The following CLDN14 variants were observed in gnomAD, a reference collection of about 807,000 sequenced individuals.
CLDN14 encodes the protein claudin-14.
CLDN14 carries 2 observed loss-of-function variants against 2.1 expected under a neutral mutation model. The observed-to-expected ratio is 0.96, with a 90% CI of 0.39 to 3.01. The LOEUF is 3.01. CLDN14 is among the 30% of genes most tolerant of loss of function. The pLI is 0.09. For missense variants in CLDN14, 298 were observed against 328.0 expected (o/e 0.91, Z 0.71); for synonymous variants, 136 against 154.4 (o/e 0.88, Z 0.88).
At chr21:36,463,446 T>C (rs2086605497) in intron 1 of CLDN14, among the ~76,000 whole-genome samples, 1 of 152,242 alleles carries the variant, frequency 6.6e-6, no homozygotes. Flanking sequence ...GCTCGGCGGC[T>C]CACGCCTGTA....
intron 1 of CLDN14, among the ~76,000 whole-genome samples, chr21:36,525,190 C>T (rs1042563242): frequency 2.6e-5 from 4 of 152,066 alleles, no homozygotes; most frequent in African/African-American, 9.7e-5. Flanking sequence ...AAGGATAAGA[C>T]GGACACCCTG....
At chr21:36,529,076 C>T (rs1301282452) in intron 1 of CLDN14, among the ~76,000 whole-genome samples, 1 of 152,198 alleles carries the variant, frequency 6.6e-6, no homozygotes, top group African/African-American at 2.4e-5. Context: ...TTCTTCCTCA[C>T]TAGAATTACA....
At chr21:36,556,735 C>G (rs147952243) in intron 1 of CLDN14, among the ~76,000 whole-genome samples, 2 of 152,302 alleles carry the variant, frequency 1.3e-5, no homozygotes, top group African/African-American at 4.8e-5. Context: ...ATTGCATTTC[C>G]TGTTGTTTGT....
At chr21:36,507,830 A>G (rs2087147439) in intron 2 of CLDN14, among the ~76,000 whole-genome samples, 1 of 152,226 alleles carries the variant, frequency 6.6e-6, no homozygotes, top group African/African-American at 2.4e-5. Flanking sequence ...CTTGGGAACC[A>G]GTAGCACTGT....
At chr21:36,574,457 G>A (rs767620993) in intron 1 of CLDN14, among the ~76,000 whole-genome samples, 1 of 152,132 alleles carries the variant, frequency 6.6e-6, no homozygotes, top group Non-Finnish European at 1.5e-5. Context: ...GCCAAACTCC[G>A]AAGAAGGCAT....
At chr21:36,490,244 C>T (rs1217365286) in intron 2 of CLDN14, among the ~76,000 whole-genome samples, 1 of 152,124 alleles carries the variant, frequency 6.6e-6, no homozygotes, top group Non-Finnish European at 1.5e-5. Context: ...TGCCCTGTTG[C>T]CCAAGCTGGA....
In CLDN14 at chr21:36,541,565, G is replaced by A. The variant is rs576730121; in HGVS notation, c.-219-31065C>T. Among the ~76,000 whole-genome samples, 9 of 152,168 alleles carry A rather than the reference G, an allele frequency of 5.9e-5. No individual in the cohort carries two copies. In the South Asian group the frequency reaches 1.5e-3, roughly 25 times the overall value. On this transcript the variant is annotated intron_variant, in intron 1 of 2. Coordinates refer to the CLDN14 transcript ENST00000342108. ...GGCTTACTCAGAGAAATAAAATTTC[G>A]CCCTTATTTTCAACTTCGAAAGCAT... is the stretch of plus-strand genomic sequence containing the variant.
chr21:36,569,943 GT>G (rs1326173559), intron 1 of CLDN14, among the ~76,000 whole-genome samples: 1 of 152,208 alleles, frequency 6.6e-6, no homozygotes, highest in Non-Finnish European at 1.5e-5. Flanking sequence ...ATTTTGTCAA[GT>G]TTAAGGACAC....
intron 1 of CLDN14, among the ~76,000 whole-genome samples, chr21:36,517,703 G>C (rs1568866710): frequency 1.3e-5 from 2 of 152,214 alleles, no homozygotes; most frequent in Non-Finnish European, 2.9e-5. Context: ...GGGATCCAGA[G>C]AATTGCTGTG....
chr21:36,533,487 GC>G (rs2087398152), intron 1 of CLDN14, among the ~76,000 whole-genome samples: 1 of 152,150 alleles, frequency 6.6e-6, no homozygotes, highest in South Asian at 2.1e-4. Context: ...AGTGGGGCGC[GC>G]CCATTCTCTG....
chr21:36,485,847 C>G (rs2086889507), intron 2 of CLDN14: 2 of 515,794 alleles, frequency 3.9e-6, no homozygotes, highest in South Asian at 5.5e-5. Flanking sequence ...TGAGAGGTTC[C>G]ATTTCCTTTT....
intron 1 of CLDN14, among the ~76,000 whole-genome samples, chr21:36,553,914 T>G (rs2087580118): frequency 6.6e-6 from 1 of 152,184 alleles, no homozygotes; most frequent in African/African-American, 2.4e-5. Flanking sequence ...CTGAGAATGT[T>G]GATGTCATCG....
chr21:36,479,090 A>C (rs184065708), intron 1 of CLDN14, among the ~76,000 whole-genome samples: 23 of 152,264 alleles, frequency 1.5e-4, no homozygotes, highest in Admixed American at 3.9e-4. Context: ...CCCTCTTTGC[A>C]GAAAAACGAG....
chr21:36,538,327 A>G (rs9305592), intron 1 of CLDN14, among the ~76,000 whole-genome samples: 72,726 of 151,796 alleles, frequency 0.48, 19,514 homozygotes, highest in Middle Eastern at 0.61. Context: ...CACCACCACC[A>G]CAGTTTTGCT....
chr21:36,555,030 C>G (rs1482377054), intron 1 of CLDN14, among the ~76,000 whole-genome samples: 1 of 152,262 alleles, frequency 6.6e-6, no homozygotes, highest in African/African-American at 2.4e-5. Context: ...GCCTCCCTGG[C>G]ATTCCTGAAA....
chr21:36,569,093 T>C (rs185147423), intron 1 of CLDN14, among the ~76,000 whole-genome samples: 5 of 152,302 alleles, frequency 3.3e-5, no homozygotes, highest in African/African-American at 1.2e-4. Flanking sequence ...AACCCCCAGA[T>C]AATGAAGTCA....
chr21:36,490,385 A>ATTTTTTTTTTTTTTTTT (rs71198817), intron 2 of CLDN14, among the ~76,000 whole-genome samples: 3 of 102,052 alleles, frequency 2.9e-5, no homozygotes, highest in African/African-American at 4.0e-5. Flanking sequence ...TTTTTTTTTA[A>ATTTTTTTTTTTTTTTTT]TTTTTTTTTT....
intron 1 of CLDN14, among the ~76,000 whole-genome samples, chr21:36,540,496 A>G (rs1303477395): frequency 3.3e-5 from 5 of 152,198 alleles, no homozygotes; most frequent in African/African-American, 4.8e-5. Context: ...AAAGAAATCA[A>G]TGGGGTGCAG....
At chr21:36,469,913 A>T (rs1302262749) in intron 1 of CLDN14, among the ~76,000 whole-genome samples, 1 of 152,208 alleles carries the variant, frequency 6.6e-6, no homozygotes, top group Non-Finnish European at 1.5e-5. Flanking sequence ...TCCCGACAAG[A>T]CAGTCAGGCA....
Sources: gnomAD v4.1 joint callset for allele counts (sites outside exome capture counted in the v4.1 genomes callset) on GRCh38, gnomAD v4.1.1 for gene constraint, MANE v1.5 for transcripts, NCBI Gene and HGNC (gene_info 2026-07-23, HGNC 2026-07-21) for gene names.